Variants in EFHD1 observed in about 807,000 individuals in gnomAD.
EFHD1 encodes the protein EF-hand domain-containing protein D1.
In EFHD1, 10 loss-of-function variants were observed where a neutral mutation model predicts 17.2. That is an observed-to-expected ratio of 0.58 (90% CI 0.36 to 0.99). The LOEUF is 0.99. EFHD1 is among the 50% of genes least tolerant of loss of function. The pLI is 0.01. For missense variants in EFHD1, 310 were observed against 327.5 expected (o/e 0.95, Z 0.41); for synonymous variants, 153 against 142.0 (o/e 1.08, Z -0.55).
intron 2 of EFHD1, among the ~76,000 whole-genome samples, chr2:232,667,114 A>G (rs1263524442): frequency 6.6e-6 from 1 of 152,122 alleles, no homozygotes; most frequent in African/African-American, 2.4e-5. Context: ...CCAGCTTCTG[A>G]AACTGTGAGA....
At chr2:232,664,526 T>C (rs1367415110) in intron 2 of EFHD1, among the ~76,000 whole-genome samples, 1 of 151,544 alleles carries the variant, frequency 6.6e-6, no homozygotes, top group African/African-American at 2.4e-5. Context: ...CTCAAACTCC[T>C]GGGTTCAAGC....
At chr2:232,672,825 C>T (rs1342998789) in intron 3 of EFHD1, among the ~76,000 whole-genome samples, 2 of 152,186 alleles carry the variant, frequency 1.3e-5, no homozygotes, top group East Asian at 3.9e-4. Flanking sequence ...ATTCTGGAAG[C>T]TTGCCCAGAG....
intron 1 of EFHD1, among the ~76,000 whole-genome samples, chr2:232,653,488 A>G (rs4973551): frequency 0.061 from 9,147 of 150,152 alleles, 294 homozygotes; most frequent in South Asian, 0.11. Context: ...ATGGGGATTC[A>G]CCACGTTGGC....
At chr2:232,622,672 G>C (rs756332463) in intron 1 of EFHD1, among the ~76,000 whole-genome samples, 1 of 152,094 alleles carries the variant, frequency 6.6e-6, no homozygotes, top group East Asian at 1.9e-4. Flanking sequence ...GATCAGAGCC[G>C]CTCGGTGGTG....
chr2:232,620,589 C>A (rs951660235), intron 1 of EFHD1, among the ~76,000 whole-genome samples: 4 of 151,734 alleles, frequency 2.6e-5, no homozygotes, highest in African/African-American at 9.7e-5. Flanking sequence ...GGCTGTGTTG[C>A]CCAGCCAGGC....
intron 1 of EFHD1, among the ~76,000 whole-genome samples, chr2:232,653,115 T>C (rs1345623148): frequency 6.6e-6 from 1 of 152,068 alleles, no homozygotes; most frequent in Non-Finnish European, 1.5e-5. Flanking sequence ...TGCCTCAGCC[T>C]CCTGAGTAGC....
At chr2:232,631,603 G>A (rs147245747), upstream of EFHD1, among the ~76,000 whole-genome samples, 781 of 149,162 alleles carry the variant, frequency 5.2e-3, 6 homozygotes, top group African/African-American at 0.017. Context: ...GAGCCACCGC[G>A]CCCAGCCCCA....
upstream of EFHD1, among the ~76,000 whole-genome samples, chr2:232,630,798 AAAG>A (rs1230495299): frequency 8.9e-5 from 3 of 33,666 alleles, no homozygotes; most frequent in African/African-American, 1.8e-4. Context: ...AAAAAAAAAA[AAAG>A]AAAGAAAGAA....
intron 1 of EFHD1, among the ~76,000 whole-genome samples, chr2:232,607,580 C>T (rs564280198): frequency 5.6e-5 from 8 of 143,748 alleles, no homozygotes; most frequent in Non-Finnish European, 1.2e-4. Context: ...GGTAACAGAG[C>T]GAGAATGTCT....
At chr2:232,631,819 T>C (rs1396609620), upstream of EFHD1, among the ~76,000 whole-genome samples, 3 of 149,698 alleles carry the variant, frequency 2.0e-5, no homozygotes, top group Non-Finnish European at 4.4e-5. Flanking sequence ...CTAGCCAACA[T>C]GGAGAAACCC....
Position 232,662,888 on chromosome 2 carries a change from G to T in EFHD1, c.389G>T (p.Gly130Val). The T allele has an allele frequency of 1.3e-6, 2 of 1,594,892 alleles. No homozygotes were observed. The highest frequency in any genetic ancestry group is 1.7e-6 in the Non-Finnish European group (2 of 1,172,644). Residue 130 changes from glycine (G) to valine (V), a missense_variant, in exon 2 of 4, where the codon GGC (glycine) becomes GTC (valine). Physicochemically the swap from Gly to Val is moderately radical, Grantham distance 109. Coordinates refer to ENST00000264059, the MANE Select transcript of EFHD1 (RefSeq NM_025202.4). ...CTGGGGGCCCCCCAGACCCACCTGGGCCTGAAGAGCATGATCAAGGAGGTG... is the reference window on the plus strand; with the variant it reads ...CTGGGGGCCCCCCAGACCCACCTGGTCCTGAAGAGCATGATCAAGGAGGTG... Reference protein sequence around the residue: ...EKLGAPQTHLGLKSMIKEVDE... With the variant: ...EKLGAPQTHLVLKSMIKEVDE...
chr2:232,635,722 G>A (rs576917176), intron 1 of EFHD1, among the ~76,000 whole-genome samples: 1 of 152,218 alleles, frequency 6.6e-6, no homozygotes, highest in African/African-American at 2.4e-5. Context: ...GGGAGGCTGA[G>A]GTGGGAGAAT....
At position 232,620,263 on chromosome 2, in the gene EFHD1, C is replaced by T. The variant is rs906184874; in HGVS notation, c.14+14090C>T. The stretch of plus-strand genomic sequence containing the variant: ...ATTAGCCGGGCGCGGTGGCAGGCAC[C>T]TGTAGTCCCAGCTACTCGGGAGGCT... On this transcript the variant is annotated intron_variant, in intron 1 of 3. Coordinates refer to the EFHD1 transcript ENST00000409613. 2.6e-5 allele frequency among the ~76,000 whole-genome samples: 4 copies of T among 151,726 alleles called. No individual in the cohort carries two copies. In the East Asian group the frequency reaches 7.8e-4, roughly 30 times the overall value.
chr2:232,614,507 C>T (rs1470606363), intron 1 of EFHD1, among the ~76,000 whole-genome samples: 1 of 152,110 alleles, frequency 6.6e-6, no homozygotes, highest in Non-Finnish European at 1.5e-5. Flanking sequence ...AACGTTTTGT[C>T]TTCTGTAGCT....
At chr2:232,614,550 C>T (rs892442797) in intron 1 of EFHD1, among the ~76,000 whole-genome samples, 3 of 152,194 alleles carry the variant, frequency 2.0e-5, no homozygotes, top group East Asian at 1.9e-4. Context: ...GTGTAGTACA[C>T]GGAACCCACC....
At chr2:232,639,990 A>G (rs1361829512) in intron 1 of EFHD1, among the ~76,000 whole-genome samples, 1 of 151,988 alleles carries the variant, frequency 6.6e-6, no homozygotes, top group African/African-American at 2.4e-5. Flanking sequence ...TCCACATTTT[A>G]CAGTCCTCCC....
chr2:232,641,117 A>C (rs1297021058), intron 1 of EFHD1, among the ~76,000 whole-genome samples: 1 of 152,154 alleles, frequency 6.6e-6, no homozygotes, highest in Non-Finnish European at 1.5e-5. Flanking sequence ...GTCTTGGTCC[A>C]CTGCAACCTC....
At chr2:232,649,986 G>C (rs1337685970) in intron 1 of EFHD1, 1 of 152,262 alleles carries the variant, frequency 6.6e-6, no homozygotes, top group Non-Finnish European at 1.5e-5. Flanking sequence ...CTTCCCAAGA[G>C]GGGAGGTGGG....
intron 1 of EFHD1, among the ~76,000 whole-genome samples, chr2:232,642,357 G>A: frequency 8.2e-6 from 1 of 122,658 alleles, no homozygotes; most frequent in Admixed American, 1.0e-4. Flanking sequence ...CTGGGCGACA[G>A]AGTGAGACTC....
Sources: allele counts gnomAD v4.1 joint callset (sites outside exome capture counted in the v4.1 genomes callset), GRCh38; gene constraint gnomAD v4.1.1; transcripts MANE v1.5; gene names NCBI Gene and HGNC (gene_info 2026-07-23, HGNC 2026-07-21).